The following PKP1 variants were observed in gnomAD, a reference collection of about 807,000 sequenced individuals.
PKP1 encodes plakophilin-1.
A neutral mutation model predicts 76.4 loss-of-function variants in PKP1; 27 were observed. The observed-to-expected ratio is 0.35, with a 90% confidence interval of 0.26 to 0.49. PKP1 has a LOEUF of 0.49. Ranked by LOEUF, PKP1 falls within the 20% of genes least tolerant of loss-of-function variation. PKP1 has a pLI of 0.99. For missense variants in PKP1, 964 were observed against 955.2 expected (o/e 1.01, Z -0.12); for synonymous variants, 404 against 384.2 (o/e 1.05, Z -0.60).
chr1:201,301,313 G>T (rs981434317), intron 2 of PKP1, among the ~76,000 whole-genome samples: 1 of 152,190 alleles, frequency 6.6e-6, no homozygotes, highest in Non-Finnish European at 1.5e-5. Context: ...CCCAGGATGC[G>T]ATCAGCAGCG....
intron 2 of PKP1, among the ~76,000 whole-genome samples, chr1:201,312,641 C>G (rs1199580443): frequency 6.6e-6 from 1 of 152,134 alleles, no homozygotes; most frequent in Non-Finnish European, 1.5e-5. Context: ...TCGAAGTGCC[C>G]CATCTGGGCA....
rs766807613 is a variant in PKP1 at position 201,283,660 on chromosome 1, G to A, written c.-43G>A. On this transcript the variant is annotated 5_prime_UTR_variant, in exon 1 of 14. Transcript: ENST00000367324. ...GCACCGCACCTCGCCTCGCCTCTCT[G>A]CTCTCCTAGGCCCCGGCCGCGCGCC... The A allele has an allele frequency of 3.2e-6, 5 of 1,562,230 alleles. No homozygotes were observed. Among genetic ancestry groups the A allele is most frequent in the Non-Finnish European group, 4.4e-6 (5 of 1,139,944 alleles).
At chr1:201,320,768 C>T (rs1656916044) in intron 7 of PKP1, among the ~76,000 whole-genome samples, 1 of 152,180 alleles carries the variant, frequency 6.6e-6, no homozygotes, top group Non-Finnish European at 1.5e-5. Context: ...GCTGGCTGTG[C>T]TTCATTGGTG....
In PKP1 at chr1:201,318,628, G is replaced by A. The variant is rs756371390; in HGVS notation, c.1065G>A (p.Trp355Ter). Residue 355 changes from tryptophan to a stop codon, truncating the protein, a stop_gained, in exon 6 of 14, where the codon TGG becomes TGA. Coordinates refer to ENST00000367324, the MANE Select transcript of PKP1 (RefSeq NM_001005337.3). LOFTEE classifies it high-confidence loss of function. ...GTCTCTGACCCCCAGGGCTGCTCTG[G>A]AACCTGTCTTCCACTGACGAGCTGA... ...EIQKQLTGLL[W>*]NLSSTDELKE... The A allele has an allele frequency of 6.2e-7, 1 of 1,612,144 alleles. No homozygotes were observed. The highest frequency in any genetic ancestry group is 1.1e-5 in the South Asian group (1 of 90,970).
intron 9 of PKP1, among the ~76,000 whole-genome samples, chr1:201,323,442 C>T (rs1657010798): frequency 6.6e-6 from 1 of 152,170 alleles, no homozygotes. Flanking sequence ...TCCCCTTGGC[C>T]ACATGGCTCC....
At position 201,316,697 on chromosome 1, in the gene PKP1, G is replaced by C. The variant is rs1656761163; in HGVS notation, c.846G>C (p.Gln282His). Residue 282 changes from glutamine (Q) to histidine (H), a missense_variant and splice_region_variant, in exon 4 of 14, where the codon CAG becomes CAC. Gln to His is a conservative substitution (Grantham distance 24). Transcript: ENST00000367324. ...TCFQDESAKQ[Q>H]VYQLGGICKL... ...TCCAGGATGAATCTGCCAAGCAACA[G>C]GTAGCTGGTTGCATACCTTCCTCCT... 1.9e-6 allele frequency: 3 copies of C among 1,613,554 alleles called. No homozygotes were observed. The highest frequency in any genetic ancestry group is 2.5e-6 in the Non-Finnish European group (3 of 1,180,030).
Position 201,331,276 on chromosome 1 carries a change from C to G in PKP1, c.*1235C>G, listed in dbSNP as rs1353021202. 4 of 152,262 alleles carry G rather than the reference C, an allele frequency of 2.6e-5. No homozygotes were observed. Among genetic ancestry groups the G allele is most frequent in the African/African-American group, 9.7e-5 (4 of 41,410 alleles). The allele number at this position is 152,262 out of a possible 1,614,324, so 9.4% of individuals were successfully genotyped here. On this transcript the variant is annotated 3_prime_UTR_variant, in exon 14 of 14. Coordinates refer to ENST00000367324, the MANE Select transcript of PKP1 (RefSeq NM_001005337.3). ...CTCACATCTCAGCCAGGGGCCATGC[C>G]CCACTTCCCCTGACCCCAGCTGTCT...
intron 2 of PKP1, among the ~76,000 whole-genome samples, chr1:201,305,888 C>A (rs1313071719): frequency 6.6e-6 from 1 of 152,194 alleles, no homozygotes; most frequent in Non-Finnish European, 1.5e-5. Context: ...GACAATTGAA[C>A]CAGCCTCTGG....
Position 201,317,646 on chromosome 1 carries a change from G to A in PKP1, c.921G>A (p.Ala307=), listed in dbSNP as rs560291851. 31 of 1,614,006 alleles carry A rather than the reference G, an allele frequency of 1.9e-5. No individual in the cohort carries two copies. Among genetic ancestry groups the A allele is most frequent in the Admixed American group, 1.2e-4 (7 of 60,018 alleles). The part of the protein sequence containing the change: ...RSPNQNVQQA[A]AGALRNLVFR... ...CCAACCAGAACGTCCAGCAGGCCGC[G>A]GCAGGGGCCCTGCGCAACCTGGTGT... Residue 307 remains alanine, a synonymous_variant, in exon 5 of 14, where the codon GCG becomes GCA. Transcript: ENST00000367324.
At chr1:201,291,595 C>T (rs999841553) in intron 1 of PKP1, among the ~76,000 whole-genome samples, 3 of 152,180 alleles carry the variant, frequency 2.0e-5, no homozygotes, top group African/African-American at 7.2e-5. Flanking sequence ...TGGTGCAAGC[C>T]CCCCGGGGCT....
chr1:201,326,259 C>A (rs1338546817), intron 12 of PKP1, among the ~76,000 whole-genome samples: 1 of 152,192 alleles, frequency 6.6e-6, no homozygotes, highest in Non-Finnish European at 1.5e-5. Flanking sequence ...CACTGGGGAA[C>A]CATTCAAAGT....
chr1:201,308,101 T>C (rs1656421807), intron 2 of PKP1, among the ~76,000 whole-genome samples: 1 of 152,232 alleles, frequency 6.6e-6, no homozygotes, highest in Admixed American at 6.5e-5. Flanking sequence ...TAGAGTTGGA[T>C]AGAATTCTCT....
At chr1:201,309,146 G>T (rs1055873160) in intron 2 of PKP1, among the ~76,000 whole-genome samples, 1 of 152,008 alleles carries the variant, frequency 6.6e-6, no homozygotes, top group African/African-American at 2.4e-5. Flanking sequence ...TGGATCTGGG[G>T]CTTGTATTGC....
intron 1 of PKP1, 109 bp from the exon 2 acceptor site, chr1:201,293,833 G>T: frequency 1.3e-6 from 1 of 747,788 alleles, no homozygotes; most frequent in South Asian, 1.5e-5. Context: ...CTCAGACCTG[G>T]TCTCCTCCAT....
At chr1:201,318,911 C>G in intron 6 of PKP1, 116 bp downstream of exon 6, 1 of 875,726 alleles carries the variant, frequency 1.1e-6, no homozygotes, top group Non-Finnish European at 1.9e-6. Flanking sequence ...ACCCGGCACT[C>G]CCTCTTATGG....
intron 4 of PKP1, 100 bp from the exon 5 acceptor site, chr1:201,317,472 A>T: frequency 1.1e-6 from 1 of 922,434 alleles, no homozygotes; most frequent in Non-Finnish European, 1.7e-6. Context: ...CTGAACTGAT[A>T]GATTTTTTGG....
At chr1:201,320,056 T>TTTTCCTCTCTTCATTCC (rs1402180586) in intron 6 of PKP1, 8 of 724,748 alleles carry the variant, frequency 1.1e-5, no homozygotes, top group Non-Finnish European at 2.0e-5. Context: ...CGTTTTCATC[T>TTTTCCTCTCTTCATTCC]TTTCCTCTCT....
intron 2 of PKP1, among the ~76,000 whole-genome samples, chr1:201,294,480 A>C (rs923708296): frequency 2.6e-5 from 4 of 152,234 alleles, no homozygotes; most frequent in Non-Finnish European, 5.9e-5. Flanking sequence ...TGACTCCTGC[A>C]TATGACACTG....
In PKP1 at chr1:201,322,023, C is replaced by T. The variant is rs1243702925; in HGVS notation, c.1393C>T (p.Leu465=). The T allele has an allele frequency of 1.9e-6, 3 of 1,614,016 alleles. No individual in the cohort carries two copies. Among genetic ancestry groups the T allele is most frequent in the African/African-American group, 1.3e-5 (1 of 74,926 alleles). The change falls in exon 8 of 14, where the codon CTG becomes TTG. Residue 465 remains leucine (L), a synonymous_variant. Transcript: ENST00000367324. ...MCVLHNLSYR[L]DAEVPTRYRQ... ...TGTTCTGCACAACCTCTCCTACCGC[C>T]TGGACGCCGAGGTGCCCACCCGCTA... is the stretch of plus-strand genomic sequence containing the variant.
Sources: gnomAD v4.1 joint callset for allele counts (sites outside exome capture counted in the v4.1 genomes callset) on GRCh38, gnomAD v4.1.1 for gene constraint, MANE v1.5 for transcripts, NCBI Gene and HGNC (gene_info 2026-07-23, HGNC 2026-07-21) for gene names.